The following ZFR variants were observed in gnomAD, a reference collection of about 807,000 sequenced individuals.
ZFR encodes the protein zinc finger RNA-binding protein.
A neutral mutation model predicts 130.7 loss-of-function variants in ZFR; 19 were observed. The ratio of observed to expected loss-of-function variants is 0.15; its 90% confidence interval spans 0.10 to 0.21. ZFR has a LOEUF of 0.21. Ranked by LOEUF, ZFR falls within the 10% of genes least tolerant of loss-of-function variation. The pLI is 1.00. For missense variants in ZFR, 872 were observed against 1,321.5 expected (o/e 0.66, Z 5.27); for synonymous variants, 466 against 456.9 (o/e 1.02, Z -0.25).
intron 2 of ZFR, among the ~76,000 whole-genome samples, chr5:32,439,939 A>G (rs1754423968): frequency 6.6e-6 from 1 of 152,124 alleles, no homozygotes; most frequent in Admixed American, 6.6e-5. Flanking sequence ...CTCCTCAAAA[A>G]CTGAAGAATT....
Position 32,444,649 on chromosome 5 carries a change from T to G in ZFR, c.10A>C (p.Ile4Leu). ...TAGGTGAAAGAAACTACAGGGCATA[T>G]GGGAATCATGGGCTCGGGCTGCTGC... is the stretch of plus-strand genomic sequence containing the variant. Reference protein sequence around the residue: MIPICPVVSFTYVP... With the variant: MIPLCPVVSFTYVP... Residue 4 changes from isoleucine (I) to leucine (L), a missense_variant, in exon 1 of 20, where the codon ATA (isoleucine) becomes CTA (leucine). Coordinates refer to ENST00000265069, the MANE Select transcript of ZFR (RefSeq NM_016107.5). 1.3e-6 allele frequency: 2 copies of G among 1,510,172 alleles called. No individual in the cohort carries two copies. Among genetic ancestry groups the G allele is most frequent in the Non-Finnish European group, 1.8e-6 (2 of 1,129,600 alleles). The allele number at this position is 1,510,172 out of a possible 1,614,324, so 93.5% of individuals were successfully genotyped here.
intron 4 of ZFR, among the ~76,000 whole-genome samples, chr5:32,415,543 T>C (rs1352726614): frequency 7.2e-6 from 1 of 138,976 alleles, no homozygotes; most frequent in East Asian, 2.4e-4. Flanking sequence ...CACTAGTCAG[T>C]CTACTTCAGT....
At chr5:32,402,160 C>T (rs1020458957) in intron 8 of ZFR, among the ~76,000 whole-genome samples, 2 of 142,798 alleles carry the variant, frequency 1.4e-5, no homozygotes, top group Non-Finnish European at 1.5e-5. Flanking sequence ...TTAATAGAGG[C>T]GGACAGTGAG....
intron 11 of ZFR, chr5:32,394,391 T>C (rs917149148): frequency 2.4e-5 from 4 of 169,238 alleles, no homozygotes; most frequent in African/African-American, 7.2e-5. Flanking sequence ...GATGCAAAAA[T>C]AATCGCGGTT....
intron 2 of ZFR, among the ~76,000 whole-genome samples, chr5:32,441,358 C>T (rs1221318172): frequency 6.6e-6 from 1 of 152,182 alleles, no homozygotes; most frequent in Non-Finnish European, 1.5e-5. Context: ...ATCATTCACA[C>T]ATAAATACAG....
rs536094680 is a variant in ZFR, at chr5:32,415,964, C to A, written c.566-777G>T. ...TCAGTTAAGTAAAAGTACATTAGAA[C>A]TTTTATCTTTTTTTTTTTTGAGACA... is the stretch of plus-strand genomic sequence containing the variant. On this transcript the variant is annotated intron_variant, in intron 4 of 19. Coordinates refer to ENST00000265069, the MANE Select transcript of ZFR (RefSeq NM_016107.5). Among the ~76,000 whole-genome samples the A allele has an allele frequency of 6.1e-4, 55 of 89,796 alleles. 1 individual carries two copies. In the South Asian group the frequency reaches 0.018, roughly 29 times the overall value. 58.9% of individuals were successfully genotyped at this position (89,796 alleles called of 152,430 possible). A position where few individuals can be genotyped will look rare whatever the true frequency, so the allele number is the denominator to read the frequency against.
intron 17 of ZFR, among the ~76,000 whole-genome samples, chr5:32,368,597 G>C (rs1002097285): frequency 6.6e-6 from 1 of 152,128 alleles, no homozygotes; most frequent in Non-Finnish European, 1.5e-5. Flanking sequence ...ATTTACAATA[G>C]GGCTATTACT....
chr5:32,370,629 GGCTTCCTAAAGT>G (rs1752650829), intron 17 of ZFR, among the ~76,000 whole-genome samples: 1 of 152,112 alleles, frequency 6.6e-6, no homozygotes. Context: ...TTCCCACCTT[GGCTTCCTAAAGT>G]GCTGGGATTA....
At chr5:32,394,714 C>T (rs533319360) in intron 11 of ZFR, among the ~76,000 whole-genome samples, 2 of 152,096 alleles carry the variant, frequency 1.3e-5, no homozygotes, top group Non-Finnish European at 2.9e-5. Flanking sequence ...TAAAACTTAA[C>T]ATTTGTATCT....
chr5:32,407,076 T>A, intron 5 of ZFR, 55 bp from the exon 6 acceptor site: 2 of 1,353,560 alleles, frequency 1.5e-6, no homozygotes, highest in Non-Finnish European at 9.7e-7. Context: ...AAGGACAAGT[T>A]AAAATTTACA....
At chr5:32,417,960 T>G (rs1486105196) in intron 3 of ZFR, among the ~76,000 whole-genome samples, 168 bp from the exon 4 acceptor site, 7 of 152,144 alleles carry the variant, frequency 4.6e-5, no homozygotes, top group Admixed American at 1.3e-4. Flanking sequence ...CATTTTGTAC[T>G]TCATTAAAAT....
chr5:32,386,978 T>C (rs1753058396), intron 14 of ZFR, among the ~76,000 whole-genome samples: 2 of 152,138 alleles, frequency 1.3e-5, no homozygotes, highest in African/African-American at 4.8e-5. Context: ...AAAAAGTTTG[T>C]TTTTGTAGGA....
chr5:32,423,422 C>T (rs957031642), intron 2 of ZFR, among the ~76,000 whole-genome samples: 1 of 151,922 alleles, frequency 6.6e-6, no homozygotes. Context: ...CTATAAACTG[C>T]AAAACAAGTA....
intron 11 of ZFR, among the ~76,000 whole-genome samples, chr5:32,392,669 A>C (rs1356037534): frequency 6.6e-6 from 1 of 152,146 alleles, no homozygotes; most frequent in Non-Finnish European, 1.5e-5. Context: ...GGTCCCGGAG[A>C]CCCTTTCAGG....
chr5:32,408,539 ATCT>A, intron 5 of ZFR, among the ~76,000 whole-genome samples: 1 of 152,298 alleles, frequency 6.6e-6, no homozygotes, highest in South Asian at 2.1e-4. Flanking sequence ...ATCTAAAAAC[ATCT>A]TCATTATTGG....
At chr5:32,375,657 C>A (rs1011642828) in intron 17 of ZFR, among the ~76,000 whole-genome samples, 53 of 152,150 alleles carry the variant, frequency 3.5e-4, no homozygotes, top group African/African-American at 1.2e-3. Flanking sequence ...CAAGCACATG[C>A]CACCATGCCG....
chr5:32,386,718 C>T (rs1753054323), intron 14 of ZFR, among the ~76,000 whole-genome samples: 1 of 152,046 alleles, frequency 6.6e-6, no homozygotes, highest in African/African-American at 2.4e-5. Flanking sequence ...ACAGTAAGTG[C>T]AGAGTTGTCA....
intron 2 of ZFR, among the ~76,000 whole-genome samples, chr5:32,432,142 C>T (rs1378378020): frequency 2.0e-5 from 3 of 152,036 alleles, no homozygotes; most frequent in Non-Finnish European, 4.4e-5. Flanking sequence ...CAGAAACCTG[C>T]CACCAAACCC....
At chr5:32,412,964 C>T (rs1343241235) in intron 5 of ZFR, among the ~76,000 whole-genome samples, 3 of 151,982 alleles carry the variant, frequency 2.0e-5, no homozygotes, top group Non-Finnish European at 2.9e-5. Flanking sequence ...CCAAGGTGGG[C>T]GGATCACTTG....
Sources: gnomAD v4.1 joint callset for allele counts (sites outside exome capture counted in the v4.1 genomes callset) on GRCh38, gnomAD v4.1.1 for gene constraint, MANE v1.5 for transcripts, NCBI Gene and HGNC (gene_info 2026-07-23, HGNC 2026-07-21) for gene names.